CPPED1: variants seen among roughly 807,000 people sequenced by gnomAD.
CPPED1 encodes the protein calcineurin like phosphoesterase domain containing 1.
In CPPED1, 28 loss-of-function variants were observed where a neutral mutation model predicts 28.0. That is an observed-to-expected ratio of 1.00 (90% CI 0.74 to 1.37). The LOEUF is 1.37. CPPED1 is among the 40% of genes most tolerant of loss of function. The pLI is 0.00. For synonymous variants in CPPED1, 198 were observed against 180.2 expected (o/e 1.10, Z -0.79); for missense variants, 504 against 416.5 (o/e 1.21, Z -1.83).
At chr16:12,753,884 T>A (rs1432355995) in intron 2 of CPPED1, 1 of 152,238 alleles carries the variant, frequency 6.6e-6, no homozygotes, top group African/African-American at 2.4e-5. Flanking sequence ...GAAATGAAGC[T>A]GGCCCTCCTG....
intron 1 of CPPED1, among the ~76,000 whole-genome samples, chr16:12,789,658 C>T (rs7195561): frequency 0.023 from 3,426 of 152,052 alleles, 86 homozygotes; most frequent in African/African-American, 0.064. Context: ...CTGGAGTCGA[C>T]GGGAGCACAG....
intron 3 of CPPED1, among the ~76,000 whole-genome samples, chr16:12,674,767 C>CT (rs1370815186): frequency 6.6e-6 from 1 of 152,214 alleles, no homozygotes; most frequent in East Asian, 1.9e-4. Flanking sequence ...GGTACTCAGA[C>CT]ATCAGAGCCC....
At chr16:12,675,119 T>C (rs751113530) in intron 3 of CPPED1, among the ~76,000 whole-genome samples, 14 of 152,214 alleles carry the variant, frequency 9.2e-5, no homozygotes, top group Non-Finnish European at 2.1e-4. Flanking sequence ...AGGGAAGCAC[T>C]GATTCACAAC....
At chr16:12,790,426 G>A (rs747611704) in intron 1 of CPPED1, among the ~76,000 whole-genome samples, 44 of 152,030 alleles carry the variant, frequency 2.9e-4, no homozygotes, top group South Asian at 2.1e-3. Context: ...TATAATGAAG[G>A]TGCCCCCAAA....
intron 3 of CPPED1, among the ~76,000 whole-genome samples, chr16:12,699,946 C>T (rs928851113): frequency 9.9e-5 from 15 of 152,170 alleles, no homozygotes; most frequent in African/African-American, 3.1e-4. Flanking sequence ...TGACCTGAGC[C>T]GCTTTCTGCA....
intron 3 of CPPED1, among the ~76,000 whole-genome samples, chr16:12,690,748 G>A (rs540518673): frequency 6.6e-6 from 1 of 151,830 alleles, no homozygotes; most frequent in East Asian, 1.9e-4. Context: ...ACGGATGAAC[G>A]GAGAGGCTTA....
chr16:12,752,024 G>A (rs2080332849), intron 2 of CPPED1, among the ~76,000 whole-genome samples: 1 of 152,156 alleles, frequency 6.6e-6, no homozygotes, highest in Non-Finnish European at 1.5e-5. Context: ...ACCCAGTTTT[G>A]TCTGACTCCC....
At position 12,766,850 on chromosome 16, in the gene CPPED1, T is replaced by C. The variant is rs969898895; in HGVS notation, c.289+14335A>G. Among the ~76,000 whole-genome samples the C allele has an allele frequency of 3.3e-5, 5 of 152,174 alleles. No homozygotes were observed. In the East Asian group the frequency reaches 9.6e-4, roughly 29 times the overall value. On this transcript the variant is annotated intron_variant, in intron 2 of 3. Transcript: ENST00000381774. ...AGGACTCTTCTGCTCAGAGGGCTGG[T>C]CTGGTGTCTCTGATCAGACTGCCAT...
intron 2 of CPPED1, chr16:12,759,513 G>C (rs986082895): frequency 1.3e-5 from 2 of 152,258 alleles, no homozygotes; most frequent in Non-Finnish European, 2.9e-5. Flanking sequence ...CATGCAGGTG[G>C]TTTATACCAC....
chr16:12,790,169 G>A (rs1596486578), intron 1 of CPPED1, among the ~76,000 whole-genome samples: 1 of 152,310 alleles, frequency 6.6e-6, no homozygotes, highest in East Asian at 1.9e-4. Flanking sequence ...ATGAGCCTCT[G>A]TTTATGTGCC....
At position 12,803,816 on chromosome 16, in the gene CPPED1, G is replaced by A. The variant is rs754463980; in HGVS notation, c.-40C>T. On this transcript the variant is annotated 5_prime_UTR_variant, in exon 1 of 4. Transcript: ENST00000381774. ...TGGCCTTCACTTAGAACACTGCGTG[G>A]GTGGAAGCCGCGCGACTTCACACAG... The A allele has an allele frequency of 1.3e-5, 21 of 1,565,532 alleles. No homozygotes were observed. In the Admixed American group the frequency reaches 2.2e-4, roughly 17 times the overall value.
intron 2 of CPPED1, among the ~76,000 whole-genome samples, chr16:12,721,113 T>C (rs2080137554): frequency 2.0e-5 from 3 of 152,128 alleles, no homozygotes; most frequent in South Asian, 2.1e-4. Context: ...TCCAAGAACA[T>C]AGGTGTCCAC....
chr16:12,785,217 G>C (rs1382131081), intron 1 of CPPED1, among the ~76,000 whole-genome samples: 2 of 152,000 alleles, frequency 1.3e-5, no homozygotes, highest in Non-Finnish European at 2.9e-5. Context: ...CCCTTAAAAG[G>C]GCAGCTTTTT....
chr16:12,720,113 G>T (rs1044971931), intron 2 of CPPED1, among the ~76,000 whole-genome samples: 1 of 152,142 alleles, frequency 6.6e-6, no homozygotes, highest in African/African-American at 2.4e-5. Flanking sequence ...CTAGACAGGA[G>T]AGCACAGATG....
chr16:12,730,789 C>T (rs957832676), intron 2 of CPPED1, among the ~76,000 whole-genome samples: 10 of 152,152 alleles, frequency 6.6e-5, no homozygotes, highest in South Asian at 2.1e-4. Context: ...AGAAGGCGCA[C>T]GAGGGAGCCT....
chr16:12,794,699 C>CAA (rs1415885186), intron 1 of CPPED1, among the ~76,000 whole-genome samples: 3 of 152,134 alleles, frequency 2.0e-5, no homozygotes, highest in Admixed American at 6.5e-5. Context: ...AGTCAGTGCT[C>CAA]AAAAAGTTTC....
chr16:12,695,875 A>G (rs1020994289), intron 3 of CPPED1, among the ~76,000 whole-genome samples: 1 of 152,204 alleles, frequency 6.6e-6, no homozygotes, highest in Non-Finnish European at 1.5e-5. Context: ...TTGCTCAACT[A>G]AACTGTGAAC....
In CPPED1 at chr16:12,757,534, T is replaced by C. The variant is rs1388691668; in HGVS notation, c.289+23651A>G. Reference sequence around the variant, plus strand: ...CATCGATATTCCACATGGATCCTGTTTGTACCTCTTGTATTCACACCGGGG... The same window carrying C: ...CATCGATATTCCACATGGATCCTGTCTGTACCTCTTGTATTCACACCGGGG... On this transcript the variant is annotated intron_variant, in intron 2 of 3. Coordinates refer to ENST00000381774, the MANE Select transcript of CPPED1 (RefSeq NM_018340.3). 5 of 150,050 alleles carry C rather than the reference T, an allele frequency of 3.3e-5. No homozygotes were observed. In the Admixed American group the frequency reaches 3.4e-4, roughly 10 times the overall value. The allele number at this position is 150,050 out of a possible 1,614,324, so 9.3% of individuals were successfully genotyped here.
At chr16:12,757,670 C>T (rs2080379881) in intron 2 of CPPED1, 1 of 134,470 alleles carries the variant, frequency 7.4e-6, no homozygotes, top group African/African-American at 2.7e-5. Flanking sequence ...GAGCGAGTAA[C>T]ACTTTGCATC....
Sources: gnomAD v4.1 joint callset for allele counts (sites outside exome capture counted in the v4.1 genomes callset) on GRCh38, gnomAD v4.1.1 for gene constraint, MANE v1.5 for transcripts, NCBI Gene and HGNC (gene_info 2026-07-23, HGNC 2026-07-21) for gene names.